The following SPEF2 variants were observed in gnomAD, a reference collection of about 807,000 sequenced individuals.
The protein encoded by SPEF2 is sperm flagellar and cilia associated 2.
SPEF2 carries 187 observed loss-of-function variants against 224.6 expected under a neutral mutation model. The observed-to-expected ratio is 0.83, with a 90% CI of 0.74 to 0.94. The LOEUF (loss-of-function observed/expected upper bound fraction) is 0.94. SPEF2 is among the 40% of genes least tolerant of loss of function. The probability of loss-of-function intolerance (pLI) is 0.00; values close to 1 mark genes in which losing one functional copy is unlikely to be tolerated. For missense variants in SPEF2, 2,170 were observed against 2,135.6 expected (o/e 1.02, Z -0.32); for synonymous variants, 715 against 707.3 (o/e 1.01, Z -0.17).
chr5:35,703,120 T>C (rs1398973855), intron 16 of SPEF2, among the ~76,000 whole-genome samples: 1 of 139,146 alleles, frequency 7.2e-6, no homozygotes, highest in Non-Finnish European at 1.6e-5. Flanking sequence ...TTTTATTCTC[T>C]CTTTATTTAT....
intron 20 of SPEF2, among the ~76,000 whole-genome samples, chr5:35,718,009 T>C (rs1184385070): frequency 6.6e-6 from 1 of 152,102 alleles, no homozygotes; most frequent in African/African-American, 2.4e-5. Context: ...TTCATGGCTG[T>C]TTATAGTTTG....
At chr5:35,648,021 A>T (rs1240962532) in intron 5 of SPEF2, among the ~76,000 whole-genome samples, 1 of 152,202 alleles carries the variant, frequency 6.6e-6, no homozygotes, top group Non-Finnish European at 1.5e-5. Context: ...ATTAATAGCT[A>T]CCATTTATTG....
intron 30 of SPEF2, among the ~76,000 whole-genome samples, chr5:35,780,937 A>G (rs1006240011): frequency 6.6e-6 from 1 of 152,134 alleles, no homozygotes; most frequent in Admixed American, 6.5e-5. Flanking sequence ...CTTGGATCCA[A>G]CCTCAAATCC....
rs569089247 is a variant in SPEF2 at position 35,736,531 on chromosome 5, T to C, written c.3064-3388T>C. On this transcript the variant is annotated intron_variant, in intron 21 of 36. Transcript: ENST00000356031. Reference sequence around the variant, plus strand: ...GAACTGTCAAACACTTATAAAACCATCATGTCACATGAGAACTAACTCACT... The same window carrying C: ...GAACTGTCAAACACTTATAAAACCACCATGTCACATGAGAACTAACTCACT... Among the ~76,000 whole-genome samples the C allele has an allele frequency of 6.2e-4, 94 of 152,050 alleles. No homozygotes were observed. In the South Asian group the frequency reaches 0.019, roughly 31 times the overall value.
At chr5:35,711,609 C>T (rs1277303948) in intron 19 of SPEF2, among the ~76,000 whole-genome samples, 2 of 134,878 alleles carry the variant, frequency 1.5e-5, no homozygotes, top group Admixed American at 1.6e-4. Context: ...TCCTTCCTTA[C>T]TTCCCTCCCT....
In SPEF2 at chr5:35,697,686, C is replaced by T. The variant is rs774338772; in HGVS notation, c.2038-4C>T. The T allele has an allele frequency of 6.9e-6, 11 of 1,605,516 alleles. No homozygotes were observed. The highest frequency in any genetic ancestry group is 8.5e-6 in the Non-Finnish European group (10 of 1,176,998). ...CTTCTGTCATTTCTTGTTTATTTTCCCAGCTCACTACACGTGCTCAGCTTG... is the reference window on the plus strand; with the variant it reads ...CTTCTGTCATTTCTTGTTTATTTTCTCAGCTCACTACACGTGCTCAGCTTG... On this transcript the variant is annotated splice_polypyrimidine_tract_variant and splice_region_variant and intron_variant, in intron 14 of 36. Transcript: ENST00000356031.
chr5:35,793,198 TTCG>T lies in SPEF2; in HGVS notation c.4596_4598del (p.Phe1532_Val1533delinsLeu). 5.6e-6 allele frequency: 9 copies of T among 1,614,100 alleles called. No individual in the cohort carries two copies. The highest frequency in any genetic ancestry group is 7.6e-6 in the Non-Finnish European group (9 of 1,180,018). On this transcript the variant is annotated inframe_deletion, in exon 32 of 37. Coordinates refer to ENST00000356031, the MANE Select transcript of SPEF2 (RefSeq NM_024867.4). Reference sequence around the variant, plus strand: ...ATCTTTATTAACAGTCAACTCCGAGTTCGTGGACTGGCGGAAGTTCCTGTTAGT... The same window carrying T: ...ATCTTTATTAACAGTCAACTCCGAGTTGGACTGGCGGAAGTTCCTGTTAGT...
At chr5:35,660,059 T>A (rs1749498628) in intron 8 of SPEF2, among the ~76,000 whole-genome samples, 1 of 152,166 alleles carries the variant, frequency 6.6e-6, no homozygotes, top group African/African-American at 2.4e-5. Context: ...TATGGTATCA[T>A]TGTGTCTCGG....
intron 17 of SPEF2, 91 bp downstream of exon 17, chr5:35,704,753 C>A: frequency 1.3e-6 from 1 of 774,386 alleles, no homozygotes. Context: ...AGAAGAATAT[C>A]TATTTCTTAG....
intron 30 of SPEF2, chr5:35,789,246 A>G (rs1242412500): frequency 8.5e-6 from 6 of 703,088 alleles, no homozygotes; most frequent in South Asian, 1.5e-5. Context: ...AAATTTGCCC[A>G]CTTCTTGTTG....
intron 19 of SPEF2, chr5:35,710,226 C>A (rs1249347422): frequency 1.0e-6 from 1 of 984,736 alleles, no homozygotes; most frequent in Non-Finnish European, 1.2e-6. Context: ...ATTCAGAGGT[C>A]TGGAGGAAAA....
intron 4 of SPEF2, among the ~76,000 whole-genome samples, chr5:35,645,065 C>T (rs559553897): frequency 3.3e-5 from 5 of 152,272 alleles, no homozygotes; most frequent in African/African-American, 1.2e-4. Flanking sequence ...TCTGCTCCTT[C>T]TCAGATTTCT....
At chr5:35,718,738 G>A (rs1467127384) in intron 20 of SPEF2, among the ~76,000 whole-genome samples, 1 of 152,174 alleles carries the variant, frequency 6.6e-6, no homozygotes, top group African/African-American at 2.4e-5. Flanking sequence ...CATGAAACAG[G>A]AAGCTTGGGG....
intron 1 of SPEF2, among the ~76,000 whole-genome samples, chr5:35,624,484 C>T (rs1743952264): frequency 6.6e-6 from 1 of 152,100 alleles, no homozygotes; most frequent in African/African-American, 2.4e-5. Flanking sequence ...TGAAATTAGT[C>T]ATAGTATTCA....
chr5:35,681,003 G>A (rs943509192), intron 10 of SPEF2, among the ~76,000 whole-genome samples: 1 of 152,080 alleles, frequency 6.6e-6, no homozygotes. Flanking sequence ...ATGGGCAATC[G>A]GCTTGTCCCT....
intron 9 of SPEF2, 129 bp downstream of exon 9, chr5:35,667,388 G>T: frequency 1.2e-6 from 1 of 818,064 alleles, no homozygotes; most frequent in Non-Finnish European, 1.8e-6. Context: ...AAAAGGTGGG[G>T]TCCAGGAGAC....
chr5:35,733,409 C>T (rs1745996824), intron 21 of SPEF2, among the ~76,000 whole-genome samples: 1 of 152,122 alleles, frequency 6.6e-6, no homozygotes, highest in Non-Finnish European at 1.5e-5. Context: ...TTGTAGTTTC[C>T]TCTATAACAA....
chr5:35,767,215 G>A (rs1752205794), intron 26 of SPEF2, among the ~76,000 whole-genome samples: 1 of 151,910 alleles, frequency 6.6e-6, no homozygotes, highest in South Asian at 2.1e-4. Flanking sequence ...ATGAAATTGG[G>A]AAAATATAGA....
chr5:35,736,498 T>A (rs1440983296), intron 21 of SPEF2, among the ~76,000 whole-genome samples: 1 of 146,378 alleles, frequency 6.8e-6, no homozygotes, highest in Non-Finnish European at 1.5e-5. Context: ...TGTGTGTGTG[T>A]GAAAGAGGAA....
Sources: gnomAD v4.1 joint callset for allele counts (sites outside exome capture counted in the v4.1 genomes callset) on GRCh38, gnomAD v4.1.1 for gene constraint, MANE v1.5 for transcripts, NCBI Gene and HGNC (gene_info 2026-07-23, HGNC 2026-07-21) for gene names.